SLC4A7: variants seen among roughly 807,000 people sequenced by gnomAD.
SLC4A7 encodes sodium bicarbonate cotransporter 3.
SLC4A7 carries 51 observed loss-of-function variants against 137.6 expected under a neutral mutation model. That is an observed-to-expected ratio of 0.37 (90% confidence interval 0.30 to 0.47). SLC4A7 has a LOEUF of 0.47. Ranked by LOEUF, SLC4A7 falls within the 20% of genes least tolerant of loss-of-function variation. The pLI, the probability that SLC4A7 is intolerant of heterozygous loss-of-function variation, is 1.00. For synonymous variants in SLC4A7, 542 were observed against 518.6 expected (o/e 1.05, Z -0.61); for missense variants, 1,247 against 1,525.4 (o/e 0.82, Z 3.04).
At chr3:27,384,024 C>T (rs1271270285) in intron 23 of SLC4A7, among the ~76,000 whole-genome samples, 1 of 152,166 alleles carries the variant, frequency 6.6e-6, no homozygotes, top group African/African-American at 2.4e-5. Flanking sequence ...CCAACTTGGA[C>T]AGTGGACACG....
intron 1 of SLC4A7, among the ~76,000 whole-genome samples, chr3:27,452,799 G>A (rs1321136873): frequency 2.6e-5 from 4 of 152,126 alleles, no homozygotes; most frequent in Non-Finnish European, 5.9e-5. Flanking sequence ...ACCTTCTAGG[G>A]TCAGAGATTA....
chr3:27,472,227 A>C (rs80139709), intron 1 of SLC4A7, among the ~76,000 whole-genome samples: 23,336 of 152,272 alleles, frequency 0.15, 1,965 homozygotes, highest in South Asian at 0.27. Flanking sequence ...ATAGCAAATA[A>C]GTTATATAAA....
At chr3:27,379,722 C>T (rs1334285332) in intron 24 of SLC4A7, among the ~76,000 whole-genome samples, 1 of 151,662 alleles carries the variant, frequency 6.6e-6, no homozygotes. Context: ...AAAAAAAATA[C>T]AATCTCAAGT....
Position 27,448,772 on chromosome 3 carries a change from A to G in SLC4A7, c.168T>C (p.Val56=). 6.2e-7 allele frequency: 1 copy of G among 1,613,252 alleles called. No homozygotes were observed. Among genetic ancestry groups the G allele is most frequent in the Non-Finnish European group, 8.5e-7 (1 of 1,179,526 alleles). The change falls in exon 3 of 26, where the codon GTT becomes GTC. Residue 56 remains valine (V), a synonymous_variant. Transcript: ENST00000454389. ...LESHRAVYIG[V]HVPFSKESRR... ...GACTCTCTTTACTAAACGGGACGTG[A>G]ACACCAATATATACAGCTCTATGAC...
At chr3:27,447,816 T>TAA (rs1559794360) in intron 3 of SLC4A7, among the ~76,000 whole-genome samples, 1 of 152,060 alleles carries the variant, frequency 6.6e-6, no homozygotes, top group Admixed American at 6.6e-5. Context: ...CCCTGTCCTT[T>TAA]TATATAACTA....
chr3:27,397,920 A>G (rs753526399), intron 17 of SLC4A7, 123 bp from the exon 18 acceptor site: 15 of 641,060 alleles, frequency 2.3e-5, no homozygotes, highest in Non-Finnish European at 4.0e-5. Flanking sequence ...AACTAGTGAC[A>G]ATGTTAACAG....
At chr3:27,447,640 C>CTTTTTTTTTTTTTTTTT (rs71087609) in intron 3 of SLC4A7, among the ~76,000 whole-genome samples, 2 of 99,724 alleles carry the variant, frequency 2.0e-5, no homozygotes, top group Admixed American at 1.2e-4. Flanking sequence ...TTTTACAGCC[C>CTTTTTTTTTTTTTTTTT]TTTTTTTTTT....
chr3:27,395,907 C>G (rs1392691257), intron 18 of SLC4A7, among the ~76,000 whole-genome samples: 1 of 152,104 alleles, frequency 6.6e-6, no homozygotes, highest in Non-Finnish European at 1.5e-5. Context: ...AGGGTCAGTA[C>G]TAAATCAGAA....
At chr3:27,479,483 C>G (rs1305384740) in intron 1 of SLC4A7, among the ~76,000 whole-genome samples, 1 of 152,020 alleles carries the variant, frequency 6.6e-6, no homozygotes, top group Non-Finnish European at 1.5e-5. Context: ...AATGTCTAGT[C>G]CATGAAAGGA....
chr3:27,400,850 G>C lies in SLC4A7; in HGVS notation c.2341C>G (p.Pro781Ala). 6.3e-7 allele frequency: 1 copy of C among 1,593,002 alleles called. No homozygotes were observed. The highest frequency in any genetic ancestry group is 8.6e-7 in the Non-Finnish European group (1 of 1,160,770). The change falls in exon 16 of 26, where the codon CCA becomes GCA. Residue 781 changes from proline (P) to alanine (A), a missense_variant. This residue lies in a region of SLC4A7 where 499 missense variants were observed against 664.2 expected (regional missense o/e 0.75). Transcript: ENST00000454389. ...TSYSCVCTEP[P>A]NPSNETLAQW... The stretch of plus-strand genomic sequence containing the variant: ...GCTAGAGTTTCATTGCTGGGGTTTG[G>C]AGGTTCAGTACATACACATCTGAGA...
Position 27,376,727 on chromosome 3 carries a change from G to GTA in SLC4A7, c.*35_*36dup. 1.8e-6 allele frequency: 2 copies of GTA among 1,132,906 alleles called. No homozygotes were observed. The highest frequency in any genetic ancestry group is 4.0e-4 in the Middle Eastern group (2 of 5,052). The allele number at this position is 1,132,906 out of a possible 1,614,324, so 70.2% of individuals were successfully genotyped here. On this transcript the variant is annotated 3_prime_UTR_variant, in exon 26 of 26. Coordinates refer to ENST00000454389, the MANE Select transcript of SLC4A7 (RefSeq NM_001321103.2). ...GACATGATACGCACACATTACATAT[G>GTA]TATATATCTATATGTATAATGCCTC...
At chr3:27,453,771 TCAGAA>T (rs1307078982) in intron 1 of SLC4A7, among the ~76,000 whole-genome samples, 1 of 152,184 alleles carries the variant, frequency 6.6e-6, no homozygotes, top group African/African-American at 2.4e-5. Flanking sequence ...TATCCAAAAC[TCAGAA>T]CAGGACACAG....
At chr3:27,427,330 T>A (rs200268821) in intron 7 of SLC4A7, among the ~76,000 whole-genome samples, 2 of 135,664 alleles carry the variant, frequency 1.5e-5, no homozygotes, top group African/African-American at 2.7e-5. Context: ...TTTTTTTTTT[T>A]ACTTTCCCTA....
intron 18 of SLC4A7, among the ~76,000 whole-genome samples, chr3:27,396,696 C>T (rs1452492059): frequency 6.6e-6 from 1 of 151,858 alleles, no homozygotes; most frequent in Non-Finnish European, 1.5e-5. Context: ...TTTCGGATCC[C>T]CTTTAAACCA....
chr3:27,475,785 T>C (rs2150732025), intron 1 of SLC4A7, among the ~76,000 whole-genome samples: 1 of 152,240 alleles, frequency 6.6e-6, no homozygotes, highest in South Asian at 2.1e-4. Flanking sequence ...TGGGAATAAT[T>C]ATGAACAAAA....
intron 21 of SLC4A7, 175 bp from the exon 22 acceptor site, chr3:27,390,279 T>C (rs1472352215): frequency 6.8e-6 from 1 of 147,314 alleles, no homozygotes; most frequent in African/African-American, 3.6e-5. Flanking sequence ...TGGGGTCGGG[T>C]GGGGGAGGGT....
At chr3:27,434,718 A>T (rs56022932) in intron 5 of SLC4A7, among the ~76,000 whole-genome samples, 5,288 of 152,222 alleles carry the variant, frequency 0.035, 108 homozygotes, top group East Asian at 0.066. Flanking sequence ...ATGCCATTTT[A>T]TACATTACTG....
chr3:27,398,431 G>A (rs1036734843), intron 16 of SLC4A7, 78 bp from the exon 17 acceptor site: 34 of 1,254,066 alleles, frequency 2.7e-5, no homozygotes, highest in Middle Eastern at 3.9e-4. Context: ...TCATTGACTC[G>A]TAAGATGCAA....
chr3:27,437,534 A>C lies in SLC4A7; in HGVS notation c.290-8T>G. 6.6e-7 allele frequency: 1 copy of C among 1,521,506 alleles called. No homozygotes were observed. The highest frequency in any genetic ancestry group is 8.8e-7 in the Non-Finnish European group (1 of 1,139,756). The allele number at this position is 1,521,506 out of a possible 1,614,324, so 94.3% of individuals were successfully genotyped here. A position where few individuals can be genotyped will look rare whatever the true frequency, so the allele number is the denominator to read the frequency against. ...CTCTCTGGGATGGTGTATCTTTACA[A>C]AATAAGAATTTACATATACTCAAAT... On this transcript the variant is annotated splice_region_variant and splice_polypyrimidine_tract_variant and intron_variant, in intron 3 of 25. Coordinates refer to ENST00000454389, the MANE Select transcript of SLC4A7 (RefSeq NM_001321103.2).
Sources: allele counts gnomAD v4.1 joint callset (sites outside exome capture counted in the v4.1 genomes callset), GRCh38; gene constraint gnomAD v4.1.1; regional missense constraint gnomAD v4.1.1; transcripts MANE v1.5; gene names NCBI Gene and HGNC (gene_info 2026-07-23, HGNC 2026-07-21).